Variants in NSUN3 observed in about 807,000 individuals in gnomAD.
NSUN3 encodes NOP2/Sun RNA methyltransferase 3.
A neutral mutation model predicts 36.8 loss-of-function variants in NSUN3; 24 were observed. The observed-to-expected ratio is 0.65, with a 90% CI of 0.47 to 0.92. The LOEUF (loss-of-function observed/expected upper bound fraction) is 0.92, where lower values mean the gene tolerates loss of function less well. NSUN3 is among the 40% of genes least tolerant of loss of function. The pLI is 0.00. For missense variants in NSUN3, 381 were observed against 392.8 expected (o/e 0.97, Z 0.25); for synonymous variants, 146 against 145.2 (o/e 1.01, Z -0.04).
At chr3:94,099,064 A>G (rs569194591) in intron 5 of NSUN3, among the ~76,000 whole-genome samples, 1 of 152,296 alleles carries the variant, frequency 6.6e-6, no homozygotes, top group South Asian at 2.1e-4. Context: ...ACACGGGTTG[A>G]GTATTTAGAA....
At chr3:94,097,977 C>T (rs949715288) in intron 5 of NSUN3, among the ~76,000 whole-genome samples, 5 of 152,104 alleles carry the variant, frequency 3.3e-5, no homozygotes, top group Admixed American at 6.6e-5. Context: ...ATTCAATTAC[C>T]GATCCGAGAT....
At chr3:94,080,153 C>T (rs1349855887) in intron 2 of NSUN3, among the ~76,000 whole-genome samples, 1 of 152,118 alleles carries the variant, frequency 6.6e-6, no homozygotes, top group Non-Finnish European at 1.5e-5. Flanking sequence ...GTTAGTTTTC[C>T]TTCTAACAGT....
chr3:94,090,360 C>T (rs545691065), intron 3 of NSUN3, among the ~76,000 whole-genome samples: 7 of 152,238 alleles, frequency 4.6e-5, no homozygotes, highest in Non-Finnish European at 1.0e-4. Flanking sequence ...ATAAAGTCTA[C>T]GTGTAAGCAA....
intron 5 of NSUN3, among the ~76,000 whole-genome samples, chr3:94,115,238 A>G (rs1339187956): frequency 6.6e-6 from 1 of 152,222 alleles, no homozygotes; most frequent in Non-Finnish European, 1.5e-5. Context: ...ACAATGGACC[A>G]ACTGCAGGAT....
chr3:94,099,822 T>C (rs2077357850), intron 5 of NSUN3, among the ~76,000 whole-genome samples: 3 of 151,236 alleles, frequency 2.0e-5, no homozygotes, highest in Admixed American at 2.0e-4. Context: ...AAAAAGACTA[T>C]AGCACTTTTA....
At chr3:94,068,927 A>G (rs1036769951) in intron 2 of NSUN3, among the ~76,000 whole-genome samples, 2 of 152,242 alleles carry the variant, frequency 1.3e-5, no homozygotes, top group Non-Finnish European at 2.9e-5. Context: ...TGTTGGCTTT[A>G]CACACATTTT....
intron 2 of NSUN3, among the ~76,000 whole-genome samples, chr3:94,071,960 G>A (rs184609867): frequency 6.6e-6 from 1 of 152,248 alleles, no homozygotes; most frequent in East Asian, 1.9e-4. Context: ...GTGTGTTGTG[G>A]GGAGGAGAAT....
chr3:94,124,742 G>A (rs1403689065), intron 5 of NSUN3, among the ~76,000 whole-genome samples: 1 of 152,172 alleles, frequency 6.6e-6, no homozygotes, highest in African/African-American at 2.4e-5. Flanking sequence ...CAGGGACACA[G>A]TTTAATTCAA....
At chr3:94,081,403 C>T (rs2077268211) in intron 2 of NSUN3, among the ~76,000 whole-genome samples, 1 of 152,158 alleles carries the variant, frequency 6.6e-6, no homozygotes, top group Non-Finnish European at 1.5e-5. Context: ...CTGATTGGGG[C>T]TCTCTCCCCC....
At chr3:94,111,493 A>G (rs1413423116) in intron 5 of NSUN3, among the ~76,000 whole-genome samples, 1 of 152,174 alleles carries the variant, frequency 6.6e-6, no homozygotes, top group Non-Finnish European at 1.5e-5. Flanking sequence ...TTCTAATACT[A>G]AGCTTAAAAC....
At chr3:94,080,862 CTGAGCAAGA>C (rs2077265754) in intron 2 of NSUN3, among the ~76,000 whole-genome samples, 2 of 152,310 alleles carry the variant, frequency 1.3e-5, no homozygotes, top group South Asian at 4.1e-4. Context: ...GTGGGACCTG[CTGAGCAAGA>C]CCACTTGGCT....
At chr3:94,085,981 T>C (rs1473101046) in intron 3 of NSUN3, among the ~76,000 whole-genome samples, 1 of 151,282 alleles carries the variant, frequency 6.6e-6, no homozygotes, top group African/African-American at 2.4e-5. Flanking sequence ...TCTCGCTGTG[T>C]CTCCCAGGCT....
intron 2 of NSUN3, chr3:94,076,895 A>G (rs973675210): frequency 1.1e-5 from 16 of 1,406,986 alleles, no homozygotes; most frequent in Non-Finnish European, 1.5e-5. Context: ...TGATGCATCA[A>G]AATGAGCATC....
intron 2 of NSUN3, among the ~76,000 whole-genome samples, chr3:94,083,608 T>A (rs530437997): frequency 6.3e-4 from 96 of 152,350 alleles, no homozygotes; most frequent in African/African-American, 2.3e-3. Context: ...GTTCCACTTC[T>A]ATGCAAGCGT....
At chr3:94,077,229 G>A in intron 2 of NSUN3, 2 of 647,184 alleles carry the variant, frequency 3.1e-6, no homozygotes, top group East Asian at 2.7e-5. Flanking sequence ...GAGGGGCAGG[G>A]AGGCTGCAGG....
chr3:94,121,369 G>C (rs961171403), intron 5 of NSUN3, among the ~76,000 whole-genome samples: 1 of 152,096 alleles, frequency 6.6e-6, no homozygotes, highest in African/African-American at 2.4e-5. Context: ...AAGGACCTTT[G>C]TGATTACATC....
chr3:94,083,570 C>A (rs2077279922), intron 2 of NSUN3, among the ~76,000 whole-genome samples: 1 of 152,136 alleles, frequency 6.6e-6, no homozygotes, highest in Non-Finnish European at 1.5e-5. Flanking sequence ...TTATGGACAG[C>A]AACCAGAGAC....
At chr3:94,076,252 G>A (rs2077245255) in intron 2 of NSUN3, 3 of 912,026 alleles carry the variant, frequency 3.3e-6, no homozygotes, top group Non-Finnish European at 5.6e-6. Flanking sequence ...TCAGAGGAAT[G>A]CAACATAAGT....
chr3:94,094,930 T>C (rs1306975375), intron 4 of NSUN3, 103 bp from the exon 5 acceptor site: 1 of 1,171,286 alleles, frequency 8.5e-7, no homozygotes, highest in Admixed American at 2.1e-5. Flanking sequence ...TTTTTACTTA[T>C]TTCCTATTTG....
Sources: allele counts gnomAD v4.1 joint callset (sites outside exome capture counted in the v4.1 genomes callset), GRCh38; gene constraint gnomAD v4.1.1; transcripts MANE v1.5; gene names NCBI Gene and HGNC (gene_info 2026-07-23, HGNC 2026-07-21).